Variants in CHD3 observed in about 807,000 individuals in gnomAD.
CHD3 encodes the protein ATP-dependent chromatin remodeler CHD3.
CHD3 carries 52 observed loss-of-function variants against 248.9 expected under a neutral mutation model. The ratio of observed to expected loss-of-function variants is 0.21; its 90% CI spans 0.17 to 0.26. The LOEUF (loss-of-function observed/expected upper bound fraction) is 0.26. CHD3 is among the 10% of genes least tolerant of loss of function. The pLI is 1.00. For missense variants in CHD3, 1,482 were observed against 2,605.8 expected (o/e 0.57, Z 9.39); for synonymous variants, 985 against 985.2 (o/e 1.00, Z 0.00).
intron 4 of CHD3, 136 bp downstream of exon 4, chr17:7,891,200 T>C: frequency 9.5e-7 from 1 of 1,051,864 alleles, no homozygotes; most frequent in Non-Finnish European, 1.4e-6. Flanking sequence ...ATTCTACACG[T>C]CATTTCAGGG....
chr17:7,884,828 G>T, upstream of CHD3: 1 of 520,602 alleles, frequency 1.9e-6, no homozygotes, highest in Non-Finnish European at 2.9e-6. Flanking sequence ...TCTGAGGGAC[G>T]AGGAGGAGGA....
At position 7,911,724 on chromosome 17, in the gene CHD3, T is replaced by G. The variant is rs1971693451; in HGVS notation, c.*139T>G. 6.5e-7 allele frequency: 1 copy of G among 1,547,940 alleles called. No homozygotes were observed. Among genetic ancestry groups the G allele is most frequent in the Non-Finnish European group, 8.7e-7 (1 of 1,144,642 alleles). On this transcript the variant is annotated 3_prime_UTR_variant, in exon 40 of 40. Coordinates refer to ENST00000330494, the MANE Select transcript of CHD3 (RefSeq NM_001005273.3). The surrounding 1 kb of genome is among the most constrained non-coding windows in gnomAD (Gnocchi z 5.4). ...GGCTAGGAACCCCTTTGCCCCTCTCTGCAGCTCCTCTCTTCAAGAAGGGCC... is the reference window on the plus strand; with the variant it reads ...GGCTAGGAACCCCTTTGCCCCTCTCGGCAGCTCCTCTCTTCAAGAAGGGCC...
chr17:7,887,907 T>C (rs1187163779), upstream of CHD3, among the ~76,000 whole-genome samples: 2 of 152,164 alleles, frequency 1.3e-5, no homozygotes, highest in South Asian at 2.1e-4. Context: ...GCTTTGCCTC[T>C]CCCGCCACCG....
chr17:7,906,121 C>T lies in CHD3; in HGVS notation c.4358+132C>T. The stretch of plus-strand genomic sequence containing the variant: ...CACCCTCCCTGTCATACAATACTTC[C>T]TGGCTCGATTTCCTGGGGGGTGGTC... On this transcript the variant is annotated intron_variant, in intron 28 of 39. Transcript: ENST00000330494. The surrounding 1 kb of genome is among the most constrained non-coding windows in gnomAD (Gnocchi z 5.0). The T allele has an allele frequency of 1.5e-6, 2 of 1,378,676 alleles. No homozygotes were observed. Among genetic ancestry groups the T allele is most frequent in the Non-Finnish European group, 2.0e-6 (2 of 978,410 alleles). 85.4% of individuals were successfully genotyped at this position (1,378,676 alleles called of 1,614,324 possible).
chr17:7,891,141 G>C, intron 4 of CHD3, 77 bp downstream of exon 4: 1 of 1,525,778 alleles, frequency 6.6e-7, no homozygotes, highest in Non-Finnish European at 9.0e-7. Flanking sequence ...GGAATCTGAT[G>C]AAAGCTATGA....
chr17:7,888,690 C>T (rs565266191), upstream of CHD3: 43 of 542,534 alleles, frequency 7.9e-5, no homozygotes, highest in African/African-American at 8.0e-4. Context: ...ACAGGCCATC[C>T]TCTGGATTTG....
In CHD3 at chr17:7,910,918, C is replaced by T; in HGVS notation, c.5826C>T (p.Ala1942=). 1 of 1,613,672 alleles carries T rather than the reference C, an allele frequency of 6.2e-7. No homozygotes were observed. The highest frequency in any genetic ancestry group is 8.5e-7 in the Non-Finnish European group (1 of 1,179,858). Residue 1942 remains alanine, a synonymous_variant, in exon 39 of 40, where the codon GCC becomes GCT. Transcript: ENST00000330494. This position sits in a 1 kb window ranked among gnomAD's most constrained non-coding sequence, Gnocchi z 4.7. The stretch of plus-strand genomic sequence containing the variant: ...CCTTCAGCGCCGCACCCGTAGGGGC[C>T]CTGGCCGCCGCAGGCGCCAATTACA... ...GAAFSAAPVG[A]LAAAGANYSQ...
In CHD3 at chr17:7,900,788, AAGTGCAAT is replaced by A; in HGVS notation, c.2978+59_2979-55del. ...GCTTGGGGATTGATGGGAGCGTTCC[AAGTGCAAT>A]ATCATAATTGCTTCCTTTATTTATG... is the stretch of plus-strand genomic sequence containing the variant. On this transcript the variant is annotated intron_variant, in intron 18 of 39. Transcript: ENST00000330494. The surrounding 1 kb of genome is among the most constrained non-coding windows in gnomAD (Gnocchi z 6.5). The A allele has an allele frequency of 1.2e-6, 2 of 1,610,326 alleles. No individual in the cohort carries two copies. Among genetic ancestry groups the A allele is most frequent in the Non-Finnish European group, 1.7e-6 (2 of 1,176,992 alleles).
At position 7,907,225 on chromosome 17, in the gene CHD3, T is replaced by C. The variant is rs1971079143; in HGVS notation, c.4766T>C (p.Ile1589Thr). Residue 1589 changes from isoleucine to threonine, a missense_variant, in exon 31 of 40, where the codon ATT (isoleucine) becomes ACT (threonine). Physicochemically the swap from Ile to Thr is moderately conservative, Grantham distance 89. Transcript: ENST00000330494. The surrounding 1 kb of genome is among the most constrained non-coding windows in gnomAD (Gnocchi z 4.3). ...GAAAAGCCAGAGAAGAACAGCAGAATTGGGGAGAAGATGGAGACAGAGGTG... is the reference window on the plus strand; with the variant it reads ...GAAAAGCCAGAGAAGAACAGCAGAACTGGGGAGAAGATGGAGACAGAGGTG... ...QEEKPEKNSR[I>T]GEKMETEADA... 1.9e-6 allele frequency: 3 copies of C among 1,614,172 alleles called. No homozygotes were observed. Among genetic ancestry groups the C allele is most frequent in the Non-Finnish European group, 8.5e-7 (1 of 1,180,018 alleles).
chr17:7,909,182 C>A lies in CHD3; in HGVS notation c.5434C>A (p.Arg1812=). The A allele has an allele frequency of 6.5e-7, 1 of 1,550,216 alleles. No homozygotes were observed. The highest frequency in any genetic ancestry group is 1.4e-5 in the African/African-American group (1 of 73,134). The part of the protein sequence containing the change: ...QALVIEEQLR[R]AAYLNLSQEP... ...GCTGGTGATTGAGGAGCAGCTGCGGCGGGCGGCCTACCTGAACCTGTCGCA... is the reference window on the plus strand; with the variant it reads ...GCTGGTGATTGAGGAGCAGCTGCGGAGGGCGGCCTACCTGAACCTGTCGCA... Residue 1812 remains arginine (R), a synonymous_variant, in exon 37 of 40, where the codon CGG becomes AGG. Coordinates refer to ENST00000330494, the MANE Select transcript of CHD3 (RefSeq NM_001005273.3). The surrounding 1 kb of genome is among the most constrained non-coding windows in gnomAD (Gnocchi z 8.1).
In CHD3 at chr17:7,901,349, G is replaced by C. The variant is rs1231721156; in HGVS notation, c.3226G>C (p.Gly1076Arg). ...GATGCTGCGAAAGCTGAAGGAGCAA[G>C]GACACCGAGTGCTCATCTTCTCGCA... ...QKMLRKLKEQ[G>R]HRVLIFSQMT... is the part of the protein sequence containing the mutation. The change falls in exon 20 of 40, where the codon GGA (glycine) becomes CGA (arginine). Residue 1076 changes from glycine (G) to arginine (R), a missense_variant. Physicochemically the swap from Gly to Arg is moderately radical, Grantham distance 125 (BLOSUM62 -2). Transcript: ENST00000330494. 6.2e-7 allele frequency: 1 copy of C among 1,612,666 alleles called. No individual in the cohort carries two copies. The highest frequency in any genetic ancestry group is 1.3e-5 in the African/African-American group (1 of 74,854).
intron 8 of CHD3, 71 bp from the exon 9 acceptor site, chr17:7,894,846 T>A: frequency 6.3e-7 from 1 of 1,583,476 alleles, no homozygotes; most frequent in Non-Finnish European, 8.6e-7. Context: ...GTGTCCTGTC[T>A]TTGCCTGTAT....
In CHD3 at chr17:7,903,867, A is replaced by G. The variant is rs146583144; in HGVS notation, c.3770A>G (p.Asn1257Ser). The change falls in exon 24 of 40, where the codon AAT becomes AGT. Residue 1257 changes from asparagine (N) to serine (S), a missense_variant. Around this residue, in one of 20 missense-constraint regions of CHD3, gnomAD observed 156 missense variants for 420.3 expected, o/e 0.37. Transcript: ENST00000330494. The surrounding 1 kb of genome is among the most constrained non-coding windows in gnomAD (Gnocchi z 6.8). Reference sequence around the variant, plus strand: ...GACAGCAGTGTGATTCATTATGACAATGAGGCCATCGCTCGGCTGTTGGAC... The same window carrying G: ...GACAGCAGTGTGATTCATTATGACAGTGAGGCCATCGCTCGGCTGTTGGAC... ...EEDSSVIHYD[N>S]EAIARLLDRN... 57 of 1,614,100 alleles carry G rather than the reference A, an allele frequency of 3.5e-5. No individual in the cohort carries two copies. The Admixed American group carries it at 4.0e-4, about 11-fold the overall frequency.
In CHD3 at chr17:7,911,092, T is replaced by C. The variant is rs1971599175; in HGVS notation, c.5881+119T>C. The C allele has an allele frequency of 7.1e-7, 1 of 1,408,378 alleles. No homozygotes were observed. The highest frequency in any genetic ancestry group is 1.4e-5 in the African/African-American group (1 of 69,246). 87.2% of individuals were successfully genotyped at this position (1,408,378 alleles called of 1,614,324 possible). ...TCATTTCCTTGGTGGTATCCGGTGT[T>C]TTATGGGATAGAGTTGTTCTAGGCT... On this transcript the variant is annotated intron_variant, in intron 39 of 39. Transcript: ENST00000330494. This position sits in a 1 kb window ranked among gnomAD's most constrained non-coding sequence, Gnocchi z 5.4.
At chr17:7,885,083 G>A, upstream of CHD3, 2 of 970,632 alleles carry the variant, frequency 2.1e-6, no homozygotes, top group Non-Finnish European at 2.4e-6. Context: ...CCCGCCGCCA[G>A]GTAAGCGCCC....
chr17:7,897,091 C>A lies in CHD3; in HGVS notation c.1716C>A (p.Ile572=), dbSNP rs1969778061. The A allele has an allele frequency of 6.2e-7, 1 of 1,613,972 alleles. No homozygotes were observed. Among genetic ancestry groups the A allele is most frequent in the Non-Finnish European group, 8.5e-7 (1 of 1,179,950 alleles). Residue 572 remains isoleucine, a synonymous_variant, in exon 11 of 40, where the codon ATC becomes ATA. Coordinates refer to ENST00000330494, the MANE Select transcript of CHD3 (RefSeq NM_001005273.3). This position sits in a 1 kb window ranked among gnomAD's most constrained non-coding sequence, Gnocchi z 4.8. ...TTTCTGTGCCCTGCTAGCTGGAAAT[C>A]TTCCATTTGGTTATGTATCGAAACT... is the stretch of plus-strand genomic sequence containing the variant. ...CSWAKELQLE[I]FHLVMYRNYQ...
rs750564352 is a variant in CHD3, at chr17:7,894,190, G to C, written c.1000G>C (p.Ala334Pro). 4 of 1,614,212 alleles carry C rather than the reference G, an allele frequency of 2.5e-6. No homozygotes were observed. In the South Asian group the frequency reaches 4.4e-5, roughly 18 times the overall value. ...CCTGGACAGTGGCAGTGTCCACAGT[G>C]CCTCAGGCCGGCCTGATGGCCCTGT... ...SDLDSGSVHSASGRPDGPVRT... is the reference protein window; with the variant it reads ...SDLDSGSVHSPSGRPDGPVRT... The change falls in exon 7 of 40, where the codon GCC becomes CCC. Residue 334 changes from alanine (A) to proline (P), a missense_variant. Coordinates refer to ENST00000330494, the MANE Select transcript of CHD3 (RefSeq NM_001005273.3).
In CHD3 at chr17:7,909,358, C is replaced by T. The variant is rs768182232; in HGVS notation, c.5590+20C>T. 5.9e-6 allele frequency: 9 copies of T among 1,526,494 alleles called. No homozygotes were observed. The highest frequency in any genetic ancestry group is 2.5e-5 in the East Asian group (1 of 40,510). The allele number at this position is 1,526,494 out of a possible 1,614,324, so 94.6% of individuals were successfully genotyped here. A position where few individuals can be genotyped will look rare whatever the true frequency, so the allele number is the denominator to read the frequency against. On this transcript the variant is annotated intron_variant, in intron 37 of 39. Coordinates refer to ENST00000330494, the MANE Select transcript of CHD3 (RefSeq NM_001005273.3). The surrounding 1 kb of genome is among the most constrained non-coding windows in gnomAD (Gnocchi z 8.1). ...ACAAGGGTAAGGGCCGCGGCGGCCC[C>T]GCGCGGGGGAGGGCCCACAACGCTG...
Position 7,895,660 on chromosome 17 carries a change from G to C in CHD3, c.1707+118G>C. 1.1e-6 allele frequency: 1 copy of C among 915,088 alleles called. No individual in the cohort carries two copies. The highest frequency in any genetic ancestry group is 1.7e-6 in the Non-Finnish European group (1 of 589,660). The allele number at this position is 915,088 out of a possible 1,614,324, so 56.7% of individuals were successfully genotyped here. A position where few individuals can be genotyped will look rare whatever the true frequency, so the allele number is the denominator to read the frequency against. On this transcript the variant is annotated intron_variant, in intron 10 of 39. Transcript: ENST00000330494. This position sits in a 1 kb window ranked among gnomAD's most constrained non-coding sequence, Gnocchi z 4.9. ...CTTTGTTTTCTCTCATTTCAGGCCT[G>C]TGGCCTTCATACCCTACTTGCTTAG...
Sources: gnomAD v4.1 joint callset for allele counts (sites outside exome capture counted in the v4.1 genomes callset) on GRCh38, gnomAD v4.1.1 for gene constraint, gnomAD v4.1.1 regional missense constraint, Gnocchi (gnomAD v3.1) non-coding constraint, MANE v1.5 for transcripts, NCBI Gene and HGNC (gene_info 2026-07-23, HGNC 2026-07-21) for gene names.